ASIC2: variants seen among roughly 807,000 people sequenced by gnomAD.
ASIC2 encodes acid-sensing ion channel 2.
A neutral mutation model predicts 57.3 loss-of-function variants in ASIC2; 25 were observed. The ratio of observed to expected loss-of-function variants is 0.44; its 90% confidence interval spans 0.32 to 0.61. The LOEUF (loss-of-function observed/expected upper bound fraction) is 0.61. Ranked by LOEUF, ASIC2 falls within the 20% of genes least tolerant of loss-of-function variation. The pLI is 0.06. For missense variants in ASIC2, 641 were observed against 738.1 expected, an observed-to-expected ratio of 0.87 and a Z score of 1.52; for synonymous variants, 319 against 307.5, an observed-to-expected ratio of 1.04 and a Z score of -0.39.
intron 1 of ASIC2, among the ~76,000 whole-genome samples, chr17:33,472,584 C>T (rs1425308384): frequency 6.6e-6 from 1 of 152,138 alleles, no homozygotes; most frequent in African/African-American, 2.4e-5. Context: ...TAATGAGATC[C>T]TTTGATCTCT....
chr17:33,536,018 A>G (rs1915216728), intron 1 of ASIC2, among the ~76,000 whole-genome samples: 1 of 152,226 alleles, frequency 6.6e-6, no homozygotes, highest in Non-Finnish European at 1.5e-5. Flanking sequence ...TCACTGCTGC[A>G]CCACAAAGTG....
rs199711915 is a variant in ASIC2 at position 33,730,178 on chromosome 17, TA to T, written c.555+425799del. Among the ~76,000 whole-genome samples the T allele has an allele frequency of 6.5e-4, 99 of 151,432 alleles. 1 individual carries two copies. Among genetic ancestry groups the T allele is most frequent in the Middle Eastern group, 3.4e-3 (1 of 294 alleles). Reference sequence around the variant, plus strand: ...CTGTGAATGGATAACTAAAAAAGTGTAAAAAAAAATGCTTTCCTACCTTTTT... The same window carrying T: ...CTGTGAATGGATAACTAAAAAAGTGTAAAAAAAATGCTTTCCTACCTTTTT... On this transcript the variant is annotated intron_variant, in intron 1 of 9. Transcript: ENST00000359872.
At chr17:33,873,853 G>C (rs887406973) in intron 1 of ASIC2, among the ~76,000 whole-genome samples, 2 of 152,140 alleles carry the variant, frequency 1.3e-5, no homozygotes. Context: ...CTCTTTGTGA[G>C]AGAATAGTCT....
At chr17:33,374,252 C>T (rs1460072979) in intron 1 of ASIC2, among the ~76,000 whole-genome samples, 1 of 152,150 alleles carries the variant, frequency 6.6e-6, no homozygotes, top group Non-Finnish European at 1.5e-5. Flanking sequence ...CTGCCTCCAC[C>T]TCTCAAAGTG....
rs185740546 is a variant in ASIC2, at chr17:33,556,265, C to A, written c.556-444198G>T. On this transcript the variant is annotated intron_variant, in intron 1 of 9. Coordinates refer to the ASIC2 transcript ENST00000359872. ...GGGGAGAAGAGACAATCTTAAAGAG[C>A]AAGTTACACAATGAACTGAGTAACT... is the stretch of plus-strand genomic sequence containing the variant. Among the ~76,000 whole-genome samples, 20 of 152,304 alleles carry A rather than the reference C, an allele frequency of 1.3e-4. No individual in the cohort carries two copies. In the East Asian group the frequency reaches 3.9e-3, roughly 29 times the overall value.
rs1035057395 is a variant in ASIC2 at position 33,432,239 on chromosome 17, G to A, written c.556-320172C>T. The stretch of plus-strand genomic sequence containing the variant: ...AGACTGAAGACTTTTATAATGGCCA[G>A]GTGTGGCGGCTCATGCCCATAATCC... On this transcript the variant is annotated intron_variant, in intron 1 of 9. Transcript: ENST00000359872. Among the ~76,000 whole-genome samples, 6 of 152,226 alleles carry A rather than the reference G, an allele frequency of 3.9e-5. No individual in the cohort carries two copies. The South Asian group carries it at 1.2e-3, about 32-fold the overall frequency.
Position 33,060,532 on chromosome 17 carries a change from G to A in ASIC2, c.987+28331C>T, listed in dbSNP as rs141119174. On this transcript the variant is annotated intron_variant, in intron 3 of 9. Coordinates refer to ENST00000225823, the MANE Select transcript of ASIC2 (RefSeq NM_183377.2). ...TCCGTTGGTCTATATCTCTGTTTTGGTACAAGTACCATGCTGTTTTGGTTA... is the reference window on the plus strand; with the variant it reads ...TCCGTTGGTCTATATCTCTGTTTTGATACAAGTACCATGCTGTTTTGGTTA... Among the ~76,000 whole-genome samples, 11 of 152,210 alleles carry A rather than the reference G, an allele frequency of 7.2e-5. No individual in the cohort carries two copies. In the East Asian group the frequency reaches 2.1e-3, roughly 29 times the overall value.
intron 1 of ASIC2, among the ~76,000 whole-genome samples, chr17:33,310,897 T>C (rs534661761): frequency 7.2e-5 from 11 of 152,322 alleles, no homozygotes; most frequent in African/African-American, 2.6e-4. Flanking sequence ...TATCTACATA[T>C]AGTTGCATTT....
Position 33,791,090 on chromosome 17 carries a change from C to A in ASIC2, c.555+364888G>T, listed in dbSNP as rs73986711. Reference sequence around the variant, plus strand: ...GCACTGGATGGGACCCCTCATGCTACGTGAGGGAAACACAAGCAGATTCCA... The same window carrying A: ...GCACTGGATGGGACCCCTCATGCTAAGTGAGGGAAACACAAGCAGATTCCA... On this transcript the variant is annotated intron_variant, in intron 1 of 9. Transcript: ENST00000359872. Among the ~76,000 whole-genome samples, 117 of 152,152 alleles carry A rather than the reference C, an allele frequency of 7.7e-4. 2 individuals carry two copies. The highest frequency in any genetic ancestry group is 2.7e-3 in the African/African-American group (114 of 41,520).
At chr17:33,663,085 A>G (rs1351248558) in intron 1 of ASIC2, among the ~76,000 whole-genome samples, 2 of 152,164 alleles carry the variant, frequency 1.3e-5, no homozygotes, top group African/African-American at 4.8e-5. Flanking sequence ...AACTCAATGC[A>G]CGAGAGACAT....
chr17:33,100,240 C>T (rs751054041), intron 2 of ASIC2: 6 of 152,296 alleles, frequency 3.9e-5, no homozygotes, highest in Non-Finnish European at 8.8e-5. Flanking sequence ...AACACATAGG[C>T]CCCTGGTGAT....
intron 1 of ASIC2, among the ~76,000 whole-genome samples, chr17:33,704,293 G>T (rs943664119): frequency 6.6e-6 from 1 of 152,212 alleles, no homozygotes; most frequent in Non-Finnish European, 1.5e-5. Flanking sequence ...ATGCTAATGA[G>T]ATATTGGTAT....
chr17:34,096,862 A>C (rs1910567478), intron 1 of ASIC2, among the ~76,000 whole-genome samples: 1 of 145,370 alleles, frequency 6.9e-6, no homozygotes, highest in African/African-American at 2.5e-5. Context: ...ATCTCAAAAA[A>C]AAAAAAAAAA....
chr17:33,598,050 A>T (rs1163747958), intron 1 of ASIC2, among the ~76,000 whole-genome samples: 3 of 152,242 alleles, frequency 2.0e-5, no homozygotes, highest in Non-Finnish European at 4.4e-5. Context: ...CCATGCTGAC[A>T]GGTTAAAAAA....
At chr17:33,131,479 G>A (rs943099121) in intron 1 of ASIC2, 15 of 152,318 alleles carry the variant, frequency 9.8e-5, no homozygotes, top group African/African-American at 3.1e-4. Flanking sequence ...AGCCTTGGAG[G>A]CCTTGGCTTG....
intron 1 of ASIC2, among the ~76,000 whole-genome samples, chr17:34,045,184 AAAGACTCC>A (rs902591893): frequency 3.3e-5 from 5 of 152,096 alleles, no homozygotes; most frequent in Admixed American, 6.5e-5. Context: ...TAGCATCCAA[AAAGACTCC>A]ACCACTCTTC....
chr17:33,824,382 ATATG>A (rs1912843015), intron 1 of ASIC2, among the ~76,000 whole-genome samples: 1 of 152,046 alleles, frequency 6.6e-6, no homozygotes, highest in Non-Finnish European at 1.5e-5. Flanking sequence ...GTCTGTGTAT[ATATG>A]TATGTATATA....
intron 1 of ASIC2, among the ~76,000 whole-genome samples, chr17:33,132,059 C>T (rs2092348266): frequency 6.6e-6 from 1 of 152,174 alleles, no homozygotes; most frequent in Non-Finnish European, 1.5e-5. Flanking sequence ...GGCCTGGATG[C>T]TGGGCACCAT....
intron 1 of ASIC2, among the ~76,000 whole-genome samples, chr17:33,341,984 G>A (rs914940805): frequency 9.2e-5 from 14 of 152,164 alleles, no homozygotes; most frequent in African/African-American, 3.4e-4. Flanking sequence ...GCAAGAAAAT[G>A]CAAACAGAGG....
Sources: gnomAD v4.1 joint callset for allele counts (sites outside exome capture counted in the v4.1 genomes callset) on GRCh38, gnomAD v4.1.1 for gene constraint, MANE v1.5 for transcripts, NCBI Gene and HGNC (gene_info 2026-07-23, HGNC 2026-07-21) for gene names.